The following CDH17 variants were observed in gnomAD, a reference collection of about 807,000 sequenced individuals.
The protein encoded by CDH17 is cadherin-17.
CDH17 carries 67 observed loss-of-function variants against 86.3 expected under a neutral mutation model. The observed-to-expected ratio is 0.78, with a 90% confidence interval of 0.64 to 0.95. The LOEUF (loss-of-function observed/expected upper bound fraction) is 0.95, where lower values mean the gene tolerates loss of function less well. CDH17 is among the 40% of genes least tolerant of loss of function. CDH17 has a pLI of 0.00. For synonymous variants in CDH17, 367 were observed against 366.4 expected (o/e 1.00, Z -0.02); for missense variants, 993 against 1,017.6 (o/e 0.98, Z 0.33).
At chr8:94,187,459 G>A (rs1024474181) in intron 3 of CDH17, among the ~76,000 whole-genome samples, 1 of 152,162 alleles carries the variant, frequency 6.6e-6, no homozygotes, top group African/African-American at 2.4e-5. Context: ...TAGTCACTCC[G>A]TACATGGTTA....
At chr8:94,174,962 G>T (rs1813344674) in intron 5 of CDH17, among the ~76,000 whole-genome samples, 2 of 152,098 alleles carry the variant, frequency 1.3e-5, no homozygotes, top group African/African-American at 4.8e-5. Context: ...TATAGTAAAT[G>T]TTGATAGATA....
At chr8:94,145,563 T>C (rs1216038263) in intron 15 of CDH17, among the ~76,000 whole-genome samples, 1 of 152,228 alleles carries the variant, frequency 6.6e-6, no homozygotes, top group Non-Finnish European at 1.5e-5. Flanking sequence ...GCTTCAGTGG[T>C]ATTTACATGT....
intron 1 of CDH17, among the ~76,000 whole-genome samples, chr8:94,197,051 C>A (rs1450901657): frequency 6.6e-6 from 1 of 152,186 alleles, no homozygotes; most frequent in East Asian, 1.9e-4. Flanking sequence ...ACCACAAAAC[C>A]GGAAGACCCA....
chr8:94,197,734 G>A (rs1251410315), intron 1 of CDH17, among the ~76,000 whole-genome samples: 1 of 151,522 alleles, frequency 6.6e-6, no homozygotes, highest in Non-Finnish European at 1.5e-5. Flanking sequence ...GGGAGGCTGA[G>A]GCAGGAGAAT....
chr8:94,170,309 C>T lies in CDH17; in HGVS notation c.1066+88G>A. On this transcript the variant is annotated intron_variant, in intron 9 of 17. Coordinates refer to ENST00000027335, the MANE Select transcript of CDH17 (RefSeq NM_004063.4). ...CTGTGGAAGACATGGATTACTGACTCCCAGTAAGGTCTCCTGCTCACCTTT... is the reference window on the plus strand; with the variant it reads ...CTGTGGAAGACATGGATTACTGACTTCCAGTAAGGTCTCCTGCTCACCTTT... The T allele has an allele frequency of 6.6e-6, 9 of 1,365,410 alleles. 1 individual carries two copies. In the South Asian group the frequency reaches 1.2e-4, roughly 19 times the overall value. 84.6% of individuals were successfully genotyped at this position (1,365,410 alleles called of 1,614,324 possible). A position where few individuals can be genotyped will look rare whatever the true frequency, so the allele number is the denominator to read the frequency against.
upstream of CDH17, among the ~76,000 whole-genome samples, chr8:94,211,020 C>CAAA (rs59090058): frequency 5.4e-5 from 5 of 91,914 alleles, no homozygotes; most frequent in Non-Finnish European, 7.1e-5. Context: ...GACTGCATCT[C>CAAA]AAAAAAAAAA....
chr8:94,198,845 G>A (rs767712748), intron 1 of CDH17, among the ~76,000 whole-genome samples: 34 of 151,912 alleles, frequency 2.2e-4, no homozygotes, highest in Non-Finnish European at 3.7e-4. Flanking sequence ...TACCATCTAA[G>A]TTCAACTTAA....
At chr8:94,198,706 T>C (rs993488758) in intron 1 of CDH17, among the ~76,000 whole-genome samples, 30 of 152,162 alleles carry the variant, frequency 2.0e-4, no homozygotes, top group Non-Finnish European at 4.4e-4. Flanking sequence ...CTGAGCTCTC[T>C]GGCAGCCAAG....
intron 11 of CDH17, among the ~76,000 whole-genome samples, chr8:94,161,785 G>A (rs1813057606): frequency 6.6e-6 from 1 of 152,136 alleles, no homozygotes; most frequent in African/African-American, 2.4e-5. Context: ...CAAACTGTAA[G>A]CCGCCATTCA....
intron 15 of CDH17, 57 bp downstream of exon 15, chr8:94,145,871 T>C: frequency 1.9e-6 from 3 of 1,558,370 alleles, no homozygotes; most frequent in Non-Finnish European, 2.6e-6. Context: ...CCAAGTTAAA[T>C]AAAACCTACT....
intron 15 of CDH17, among the ~76,000 whole-genome samples, chr8:94,133,857 T>C (rs1201609276): frequency 1.3e-5 from 2 of 152,232 alleles, no homozygotes; most frequent in East Asian, 1.9e-4. Context: ...ATTGAGAGTT[T>C]TTAGCATGAA....
At chr8:94,194,266 T>C (rs1265344668) in intron 2 of CDH17, among the ~76,000 whole-genome samples, 1 of 152,210 alleles carries the variant, frequency 6.6e-6, no homozygotes, top group African/African-American at 2.4e-5. Context: ...GTGGTAAGTT[T>C]TCATGCGCAA....
intron 15 of CDH17, 52 bp from the exon 16 acceptor site, chr8:94,131,044 C>A: frequency 1.0e-6 from 1 of 955,808 alleles, no homozygotes. Context: ...CCTGGATTAG[C>A]AGGAATAAAG....
chr8:94,193,667 G>A (rs1221072646), intron 2 of CDH17, among the ~76,000 whole-genome samples: 6 of 152,124 alleles, frequency 3.9e-5, no homozygotes, highest in Admixed American at 2.0e-4. Flanking sequence ...GAGGAGAGAG[G>A]TCAAGTGGGG....
Position 94,139,356 on chromosome 8 carries a change from C to T in CDH17, c.2167+6572G>A, listed in dbSNP as rs772809925. ...TCAAGTGGCCTAATACATGTGTAAT[C>T]GAATTCCTGAAAGCCAAGAAAGATA... On this transcript the variant is annotated intron_variant, in intron 15 of 17. Coordinates refer to ENST00000027335, the MANE Select transcript of CDH17 (RefSeq NM_004063.4). Among the ~76,000 whole-genome samples the T allele has an allele frequency of 9.2e-5, 14 of 152,038 alleles. No individual in the cohort carries two copies. The East Asian group carries it at 1.7e-3, about 19-fold the overall frequency.
In CDH17 at chr8:94,148,911, T is replaced by C. The variant is rs1301477526; in HGVS notation, c.1797-37A>G. The C allele has an allele frequency of 2.5e-6, 4 of 1,574,126 alleles. No homozygotes were observed. In the South Asian group the frequency reaches 4.7e-5, roughly 19 times the overall value. On this transcript the variant is annotated intron_variant, in intron 13 of 17. Transcript: ENST00000027335. ...GAAAAGAGCAAAAGAAAGCCTGCAT[T>C]ACTTTGCATGAAAATGTGAAGCTAG...
At position 94,165,889 on chromosome 8, in the gene CDH17, G is replaced by A. The variant is rs1344749540; in HGVS notation, c.1154C>T (p.Thr385Ile). 2 of 1,613,618 alleles carry A rather than the reference G, an allele frequency of 1.2e-6. No homozygotes were observed. The highest frequency in any genetic ancestry group is 1.7e-6 in the Non-Finnish European group (2 of 1,179,768). The change falls in exon 10 of 18, where the codon ACT becomes ATT. Residue 385 changes from threonine (T) to isoleucine (I), a missense_variant. Transcript: ENST00000027335. ...GAGTCCATCCATGGGAAGTTTGGGA[G>A]TTTGCTCCACAATCCTGTAGTTTAG... ...SFLNYRIVEQ[T>I]PKLPMDGLFL... is the part of the protein sequence containing the mutation.
At chr8:94,150,488 T>C (rs1393583150) in intron 13 of CDH17, among the ~76,000 whole-genome samples, 7 of 152,240 alleles carry the variant, frequency 4.6e-5, no homozygotes, top group East Asian at 1.9e-4. Context: ...GAGAATTAAA[T>C]TACTCAGACC....
At chr8:94,149,291 G>A (rs1279426232) in intron 13 of CDH17, among the ~76,000 whole-genome samples, 10 of 152,088 alleles carry the variant, frequency 6.6e-5, no homozygotes, top group Admixed American at 6.5e-4. Flanking sequence ...ACACCCAGTG[G>A]TGGAAACGTT....
Sources: allele counts gnomAD v4.1 joint callset (sites outside exome capture counted in the v4.1 genomes callset), GRCh38; gene constraint gnomAD v4.1.1; transcripts MANE v1.5; gene names NCBI Gene and HGNC (gene_info 2026-07-23, HGNC 2026-07-21).